Variants in ARID3B observed in about 807,000 individuals in gnomAD.
ARID3B encodes the protein AT-rich interactive domain-containing protein 3B.
In ARID3B, 10 loss-of-function variants were observed where a neutral mutation model predicts 51.9. That is an observed-to-expected ratio of 0.19 (90% CI 0.12 to 0.33). The LOEUF is 0.33. ARID3B is among the 10% of genes least tolerant of loss of function. The pLI is 1.00. For missense variants in ARID3B, 483 were observed against 716.3 expected, an observed-to-expected ratio of 0.67 and a Z score of 3.72; for synonymous variants, 205 against 279.5, an observed-to-expected ratio of 0.73 and a Z score of 2.66.
At chr15:74,558,406 AATT>A (rs2061667394) in intron 2 of ARID3B, among the ~76,000 whole-genome samples, 1 of 151,890 alleles carries the variant, frequency 6.6e-6, no homozygotes, top group South Asian at 2.1e-4. Flanking sequence ...GGTTTGTCGT[AATT>A]ATTGTGTTTG....
chr15:74,565,009 C>T (rs949729436), intron 2 of ARID3B, among the ~76,000 whole-genome samples: 1 of 151,802 alleles, frequency 6.6e-6, no homozygotes, highest in Non-Finnish European at 1.5e-5. Context: ...AGAATAGACA[C>T]ATTACTGTTC....
chr15:74,555,730 C>G (rs919027213), intron 2 of ARID3B, among the ~76,000 whole-genome samples: 5 of 151,278 alleles, frequency 3.3e-5, no homozygotes, highest in Non-Finnish European at 4.4e-5. Flanking sequence ...TTGCTTTGCC[C>G]GGATCCATAA....
chr15:74,578,732 C>A (rs988126537), intron 4 of ARID3B, among the ~76,000 whole-genome samples: 1 of 152,008 alleles, frequency 6.6e-6, no homozygotes, highest in Non-Finnish European at 1.5e-5. Flanking sequence ...ACAAAAAAAA[C>A]ATTTTTTTTT....
chr15:74,550,680 C>T (rs1219936266), intron 2 of ARID3B, among the ~76,000 whole-genome samples: 1 of 151,472 alleles, frequency 6.6e-6, no homozygotes, highest in African/African-American at 2.4e-5. Context: ...GCACTCCAGC[C>T]TGGGTGACAG....
intron 5 of ARID3B, among the ~76,000 whole-genome samples, chr15:74,590,885 T>C (rs2061800235): frequency 1.3e-5 from 2 of 152,182 alleles, no homozygotes; most frequent in Non-Finnish European, 2.9e-5. Context: ...TCAAAACAAA[T>C]GTGAAAACGC....
chr15:74,593,160 T>A lies in ARID3B; in HGVS notation c.1443T>A (p.Ala481=), dbSNP rs769912095. The change falls in exon 8 of 9, where the codon GCT becomes GCA. Residue 481 remains alanine (A), a synonymous_variant. Transcript: ENST00000346246. ...NGREDRAEAS[A]AALNLTTSSI... The stretch of plus-strand genomic sequence containing the variant: ...CAGAAGACAGAGCAGAGGCCTCGGC[T>A]GCAGCACTGAACCTGACCACGAGTA... 1 of 1,613,576 alleles carries A rather than the reference T, an allele frequency of 6.2e-7. No individual in the cohort carries two copies. The highest frequency in any genetic ancestry group is 2.2e-5 in the East Asian group (1 of 44,860).
rs183563306 is a variant in ARID3B, at chr15:74,594,567, C to T, written c.1520-1044C>T. The stretch of plus-strand genomic sequence containing the variant: ...TGTCAGCCAGCCTGGCAAGGTGTCT[C>T]GTGGAGACAGGCGAAAGCCCTACAA... On this transcript the variant is annotated intron_variant, in intron 8 of 8. Transcript: ENST00000346246. Among the ~76,000 whole-genome samples the T allele has an allele frequency of 1.2e-4, 19 of 152,368 alleles. No individual in the cohort carries two copies. The East Asian group carries it at 2.9e-3, about 23-fold the overall frequency.
chr15:74,588,196 T>C (rs935358852), intron 4 of ARID3B, among the ~76,000 whole-genome samples: 1 of 151,084 alleles, frequency 6.6e-6, no homozygotes, highest in African/African-American at 2.4e-5. Flanking sequence ...ATTGCACCGC[T>C]GCACTCCAGT....
chr15:74,555,120 A>G (rs979692079), intron 2 of ARID3B, among the ~76,000 whole-genome samples: 14 of 152,152 alleles, frequency 9.2e-5, no homozygotes, highest in African/African-American at 3.4e-4. Flanking sequence ...TATAATTATT[A>G]TTTGTCAATT....
rs1163450581 is a variant in ARID3B at position 74,557,343 on chromosome 15, GAGATGGAGGC to G, written c.552+12856_552+12865del. 5.9e-5 allele frequency among the ~76,000 whole-genome samples: 9 copies of G among 151,908 alleles called. No individual in the cohort carries two copies. The East Asian group carries it at 1.8e-3, about 30-fold the overall frequency. On this transcript the variant is annotated intron_variant, in intron 2 of 8. Coordinates refer to ENST00000346246, the MANE Select transcript of ARID3B (RefSeq NM_006465.4). ...AGGTGGGAGGATCTCTTGAGCCCAA[GAGATGGAGGC>G]TGCAGTGAGCTATGATGGTGCCATG...
At position 74,557,253 on chromosome 15, in the gene ARID3B, G is replaced by A. The variant is rs372575155; in HGVS notation, c.552+12765G>A. On this transcript the variant is annotated intron_variant, in intron 2 of 8. Transcript: ENST00000346246. Reference sequence around the variant, plus strand: ...AACATGATGAAACCCTGTCTCTACCGAAAAAAAAAAAAATTAGCCAGATAG... The same window carrying A: ...AACATGATGAAACCCTGTCTCTACCAAAAAAAAAAAAAATTAGCCAGATAG... 5.4e-4 allele frequency among the ~76,000 whole-genome samples: 76 copies of A among 141,294 alleles called. 1 individual carries two copies. Among genetic ancestry groups the A allele is most frequent in the African/African-American group, 1.8e-3 (69 of 38,706 alleles). The allele number at this position is 141,294 out of a possible 152,430, so 92.7% of individuals were successfully genotyped here. A position where few individuals can be genotyped will look rare whatever the true frequency, so the allele number is the denominator to read the frequency against.
Position 74,591,736 on chromosome 15 carries a change from C to T in ARID3B, c.1342C>T (p.Leu448=). The change falls in exon 7 of 9, where the codon CTG becomes TTG. Residue 448 remains leucine, a synonymous_variant. Coordinates refer to ENST00000346246, the MANE Select transcript of ARID3B (RefSeq NM_006465.4). This position sits in a 1 kb window ranked among gnomAD's most constrained non-coding sequence, Gnocchi z 5.8. The stretch of plus-strand genomic sequence containing the variant: ...GAGGCTGTCTGAGGAGGAGCAGCGC[C>T]TGGTGCAGCAGGCCTTCCAGCGCAA... The part of the protein sequence containing the change: ...ASRLSEEEQR[L]VQQAFQRNFF... The T allele has an allele frequency of 3.7e-6, 6 of 1,614,236 alleles. No homozygotes were observed. The highest frequency in any genetic ancestry group is 1.3e-5 in the African/African-American group (1 of 75,080).
intron 5 of ARID3B, 33 bp downstream of exon 5, chr15:74,590,036 A>G (rs969341716): frequency 6.4e-7 from 1 of 1,559,976 alleles, no homozygotes; most frequent in Admixed American, 1.9e-5. Flanking sequence ...AAGGAAGCTG[A>G]GGCTGGAGAA....
intron 2 of ARID3B, among the ~76,000 whole-genome samples, chr15:74,556,659 C>T (rs922009239): frequency 6.6e-6 from 1 of 152,124 alleles, no homozygotes; most frequent in Non-Finnish European, 1.5e-5. Context: ...TTTCCCCTCA[C>T]AGTTATTATT....
intron 4 of ARID3B, among the ~76,000 whole-genome samples, chr15:74,582,815 T>G (rs1157346728): frequency 6.6e-6 from 1 of 152,148 alleles, no homozygotes; most frequent in African/African-American, 2.4e-5. Context: ...AGCCAAAAAC[T>G]GGAAAGAATT....
chr15:74,588,414 A>G (rs1166539541), intron 4 of ARID3B, among the ~76,000 whole-genome samples: 1 of 152,124 alleles, frequency 6.6e-6, no homozygotes, highest in African/African-American at 2.4e-5. Context: ...CGGATGGAGC[A>G]GAAACAAACA....
chr15:74,549,838 G>C (rs369267267), intron 2 of ARID3B, among the ~76,000 whole-genome samples: 30 of 152,278 alleles, frequency 2.0e-4, no homozygotes, highest in Middle Eastern at 6.8e-3. Flanking sequence ...ACTGGAGTAG[G>C]GGGCAGTGTG....
At chr15:74,583,451 C>A (rs533935218) in intron 4 of ARID3B, among the ~76,000 whole-genome samples, 1 of 152,234 alleles carries the variant, frequency 6.6e-6, no homozygotes, top group Non-Finnish European at 1.5e-5. Flanking sequence ...GACATGGTGG[C>A]TCACGGCAGT....
intron 2 of ARID3B, among the ~76,000 whole-genome samples, chr15:74,569,129 G>C (rs1339387206): frequency 6.6e-6 from 1 of 152,124 alleles, no homozygotes; most frequent in South Asian, 2.1e-4. Context: ...TCTATTGATA[G>C]GCCAAGAAAC....
Sources: allele counts gnomAD v4.1 joint callset (sites outside exome capture counted in the v4.1 genomes callset), GRCh38; gene constraint gnomAD v4.1.1; non-coding constraint Gnocchi (gnomAD v3.1); transcripts MANE v1.5; gene names NCBI Gene and HGNC (gene_info 2026-07-23, HGNC 2026-07-21).